The following ARHGAP39 variants were observed in gnomAD, a reference collection of about 807,000 sequenced individuals.
ARHGAP39 encodes the protein rho GTPase-activating protein 39.
Under a neutral mutation model 106.9 loss-of-function variants are expected in ARHGAP39, and 44 were observed. The ratio of observed to expected loss-of-function variants is 0.41; its 90% CI spans 0.32 to 0.53. The LOEUF is 0.53. ARHGAP39 is among the 20% of genes least tolerant of loss of function. ARHGAP39 has a pLI of 0.21. For synonymous variants in ARHGAP39, 768 were observed against 693.2 expected (o/e 1.11, Z -1.69); for missense variants, 1,496 against 1,577.3 (o/e 0.95, Z 0.87).
intron 4 of ARHGAP39, among the ~76,000 whole-genome samples, chr8:144,552,072 C>A (rs1289980102): frequency 2.0e-5 from 3 of 152,196 alleles, no homozygotes; most frequent in African/African-American, 4.8e-5. Context: ...TAACAGAAAT[C>A]AAACATCACA....
intron 2 of ARHGAP39, among the ~76,000 whole-genome samples, chr8:144,581,709 G>A (rs568804766): frequency 3.6e-4 from 55 of 152,308 alleles, no homozygotes; most frequent in African/African-American, 1.3e-3. Flanking sequence ...GTCTGGAGGG[G>A]CCTCAGGCCC....
intron 3 of ARHGAP39, among the ~76,000 whole-genome samples, chr8:144,575,345 G>T (rs1315225149): frequency 6.6e-6 from 1 of 152,148 alleles, no homozygotes; most frequent in East Asian, 1.9e-4. Flanking sequence ...AACCTTTTTA[G>T]TTTCTTTAAA....
chr8:144,564,272 T>C (rs1818310667), intron 3 of ARHGAP39, among the ~76,000 whole-genome samples: 2 of 152,194 alleles, frequency 1.3e-5, no homozygotes, highest in Admixed American at 1.3e-4. Context: ...CCAACTCCTT[T>C]TGGTTTCTCT....
At chr8:144,553,649 C>A (rs1277037887) in intron 4 of ARHGAP39, among the ~76,000 whole-genome samples, 1 of 152,252 alleles carries the variant, frequency 6.6e-6, no homozygotes, top group Admixed American at 6.5e-5. Context: ...AAGGTCTCAG[C>A]GACAGGATGA....
intron 2 of ARHGAP39, among the ~76,000 whole-genome samples, chr8:144,583,391 G>A (rs1289869079): frequency 2.0e-5 from 3 of 152,258 alleles, no homozygotes; most frequent in Non-Finnish European, 2.9e-5. Context: ...CGCACGCATT[G>A]TGGGGTGAGC....
chr8:144,653,942 T>C (rs1457184809), intron 1 of ARHGAP39, among the ~76,000 whole-genome samples: 1 of 152,220 alleles, frequency 6.6e-6, no homozygotes, highest in African/African-American at 2.4e-5. Context: ...CCCGGCTCTG[T>C]GCAGGCACTT....
rs1228835055 is a variant in ARHGAP39, at chr8:144,545,725, G to A, written c.2045C>T (p.Thr682Ile). The A allele has an allele frequency of 3.7e-6, 6 of 1,612,452 alleles. No individual in the cohort carries two copies. The highest frequency in any genetic ancestry group is 1.3e-5 in the African/African-American group (1 of 74,952). ...CGAGGAGGGCTTGCGCAGCGTGAAA[G>A]TGGGGAAGACGCAGCTGGAGCTGGG... ...GVPSSSCVFP[T>I]FTLRKPSSET... The change falls in exon 6 of 12, where the codon ACT (threonine) becomes ATT (isoleucine). Residue 682 changes from threonine to isoleucine, a missense_variant. By Grantham distance (89) the Thr-to-Ile change is moderately conservative. Around this residue, in one of 4 missense-constraint regions of ARHGAP39, gnomAD observed 905 missense variants for 816.4 expected, o/e 1.11. Transcript: ENST00000377307.
intron 1 of ARHGAP39, among the ~76,000 whole-genome samples, chr8:144,619,600 G>C (rs1001393257): frequency 6.6e-6 from 1 of 151,842 alleles, no homozygotes; most frequent in African/African-American, 2.4e-5. Context: ...GTCCCTGAGA[G>C]AGCGTGCATG....
rs1425743998 is a variant in ARHGAP39 at position 144,679,718 on chromosome 8, C to T, written c.-82+5968G>A. Among the ~76,000 whole-genome samples the T allele has an allele frequency of 3.3e-5, 5 of 152,222 alleles. No homozygotes were observed. The highest frequency in any genetic ancestry group is 2.1e-4 in the South Asian group (1 of 4,812). On this transcript the variant is annotated intron_variant, in intron 1 of 11. Transcript: ENST00000377307. The surrounding 1 kb of genome is among the most constrained non-coding windows in gnomAD (Gnocchi z 4.7). Reference sequence around the variant, plus strand: ...AATCTAGGCCGGGCGCAGTGTCTCACGCCTGTAATCCCAGCACTTTGGGAG... The same window carrying T: ...AATCTAGGCCGGGCGCAGTGTCTCATGCCTGTAATCCCAGCACTTTGGGAG...
chr8:144,652,355 T>C (rs1030789381), intron 1 of ARHGAP39, among the ~76,000 whole-genome samples: 4 of 152,188 alleles, frequency 2.6e-5, no homozygotes, highest in African/African-American at 9.6e-5. Context: ...GAAAGCAGTA[T>C]TCCTCAAAAA....
intron 9 of ARHGAP39, among the ~76,000 whole-genome samples, 155 bp from the exon 10 acceptor site, chr8:144,532,551 C>T (rs536232700): frequency 3.9e-5 from 6 of 152,284 alleles, no homozygotes; most frequent in South Asian, 2.1e-4. Context: ...TTCCCACGAA[C>T]GTGGGTGGGT....
chr8:144,634,780 C>T (rs1821134926), intron 1 of ARHGAP39, among the ~76,000 whole-genome samples: 2 of 60,656 alleles, frequency 3.3e-5, no homozygotes, highest in Admixed American at 1.7e-4. Context: ...CCTCTGCAGG[C>T]GCAGTCTCCA....
chr8:144,642,260 T>C (rs1586632922), intron 1 of ARHGAP39, among the ~76,000 whole-genome samples: 1 of 152,004 alleles, frequency 6.6e-6, no homozygotes. Context: ...CAGAGGTGGG[T>C]GGATGACCTG....
chr8:144,572,425 T>G lies in ARHGAP39; in HGVS notation c.512+8421A>C, dbSNP rs372656155. Among the ~76,000 whole-genome samples the G allele has an allele frequency of 1.4e-4, 21 of 152,232 alleles. No homozygotes were observed. The East Asian group carries it at 1.9e-3, about 14-fold the overall frequency. On this transcript the variant is annotated intron_variant, in intron 3 of 11. Transcript: ENST00000377307. The stretch of plus-strand genomic sequence containing the variant: ...GTACTGGGAAAACTGGCTAGCCATA[T>G]GTAGAAAGCTGAAACTGGATCCCTT...
intron 1 of ARHGAP39, among the ~76,000 whole-genome samples, chr8:144,631,521 T>A (rs532909318): frequency 3.9e-5 from 6 of 152,382 alleles, no homozygotes; most frequent in African/African-American, 1.4e-4. Context: ...ATAATCACAC[T>A]ATCTGATGCT....
At chr8:144,562,285 TGCTCCAGTGGTTTCCATC>T (rs1818212625) in intron 3 of ARHGAP39, among the ~76,000 whole-genome samples, 2 of 56,790 alleles carry the variant, frequency 3.5e-5, no homozygotes, top group East Asian at 8.4e-4. Flanking sequence ...GTTTCCATCG[TGCTCCAGTGGTTTCCATC>T]GGGCTCCAGT....
At chr8:144,558,253 C>T (rs1330763352) in intron 3 of ARHGAP39, among the ~76,000 whole-genome samples, 1 of 152,130 alleles carries the variant, frequency 6.6e-6, no homozygotes. Context: ...AAAGATATGA[C>T]TTCTTTTTAA....
Position 144,647,366 on chromosome 8 carries a change from A to C in ARHGAP39, c.-82+38320T>G, listed in dbSNP as rs1821469407. Among the ~76,000 whole-genome samples the C allele has an allele frequency of 6.6e-6, 1 of 152,212 alleles. No individual in the cohort carries two copies. Among genetic ancestry groups the C allele is most frequent in the East Asian group, 1.9e-4 (1 of 5,196 alleles). On this transcript the variant is annotated intron_variant, in intron 1 of 11. Coordinates refer to ENST00000377307, the MANE Select transcript of ARHGAP39 (RefSeq NM_025251.3). This position sits in a 1 kb window ranked among gnomAD's most constrained non-coding sequence, Gnocchi z 4.8. ...ATGAAACCCGCAGACTGCTGTGTCAAGGTGGCATCCCTGTTCTCACCCTCA... is the reference window on the plus strand; with the variant it reads ...ATGAAACCCGCAGACTGCTGTGTCACGGTGGCATCCCTGTTCTCACCCTCA...
At chr8:144,633,822 C>G (rs1029003909) in intron 1 of ARHGAP39, among the ~76,000 whole-genome samples, 8 of 152,300 alleles carry the variant, frequency 5.3e-5, no homozygotes, top group Middle Eastern at 3.4e-3. Flanking sequence ...GACTACAGCG[C>G]GTACCACCAT....
Sources: gnomAD v4.1 joint callset for allele counts (sites outside exome capture counted in the v4.1 genomes callset) on GRCh38, gnomAD v4.1.1 for gene constraint, gnomAD v4.1.1 regional missense constraint, Gnocchi (gnomAD v3.1) non-coding constraint, MANE v1.5 for transcripts, NCBI Gene and HGNC (gene_info 2026-07-23, HGNC 2026-07-21) for gene names.